The following ZNF585B variants were observed in gnomAD, a reference collection of about 807,000 sequenced individuals.
ZNF585B encodes the protein zinc finger protein 41-like protein.
ZNF585B carries 7 observed loss-of-function variants against 14.0 expected under a neutral mutation model. The ratio of observed to expected loss-of-function variants is 0.50; its 90% CI spans 0.28 to 0.94. The LOEUF is 0.94. Among genes scored for constraint, ZNF585B ranks in the 40% least tolerant of loss-of-function variants. The pLI is 0.09. For missense variants in ZNF585B, 750 were observed against 924.4 expected (o/e 0.81, Z 2.45); for synonymous variants, 290 against 317.3 (o/e 0.91, Z 0.91).
intron 1 of ZNF585B, among the ~76,000 whole-genome samples, chr19:37,207,834 TCAGA>T (rs141661324): frequency 0.02 from 3,105 of 152,206 alleles, 57 homozygotes; most frequent in Middle Eastern, 0.061. Flanking sequence ...AATAAACATA[TCAGA>T]CAATGTTGAT....
At chr19:37,198,628 T>C (rs1328377593) in intron 2 of ZNF585B, among the ~76,000 whole-genome samples, 1 of 150,664 alleles carries the variant, frequency 6.6e-6, no homozygotes, top group Non-Finnish European at 1.5e-5. Context: ...CCCAGCTACT[T>C]GGGAGGCTGA....
chr19:37,202,215 C>G (rs534785579), intron 2 of ZNF585B, among the ~76,000 whole-genome samples: 13 of 152,282 alleles, frequency 8.5e-5, no homozygotes, highest in African/African-American at 2.6e-4. Context: ...GTTAGCCAGG[C>G]TGGTCTCAAA....
intron 1 of ZNF585B, among the ~76,000 whole-genome samples, chr19:37,207,924 A>C (rs1972603284): frequency 6.6e-6 from 1 of 152,158 alleles, no homozygotes; most frequent in South Asian, 2.1e-4. Flanking sequence ...CAATTGGTGC[A>C]TGCAATTGGC....
chr19:37,188,293 C>T lies in ZNF585B; in HGVS notation c.293-1049G>A, dbSNP rs58634134. On this transcript the variant is annotated intron_variant, in intron 4 of 4. Transcript: ENST00000532828. Reference sequence around the variant, plus strand: ...CCTGAGGTCGAGAGTTGGAGACCAGCCTGACCAACATGGAGAAACCCCAAC... The same window carrying T: ...CCTGAGGTCGAGAGTTGGAGACCAGTCTGACCAACATGGAGAAACCCCAAC... Among the ~76,000 whole-genome samples, 1,301 of 152,098 alleles carry T rather than the reference C, an allele frequency of 8.6e-3. 20 individuals are homozygous for T. Among genetic ancestry groups the T allele is most frequent in the African/African-American group, 0.03 (1,255 of 41,518 alleles).
At chr19:37,187,323 C>A in intron 4 of ZNF585B, 79 bp from the exon 5 acceptor site, 1 of 1,089,644 alleles carries the variant, frequency 9.2e-7, no homozygotes, top group Non-Finnish European at 1.3e-6. Flanking sequence ...TTTGAAGCAT[C>A]GTTTCTATCA....
chr19:37,205,202 ACTG>A lies in ZNF585B; in HGVS notation c.72+1835_72+1837del, dbSNP rs539730998. Among the ~76,000 whole-genome samples the A allele has an allele frequency of 1.1e-4, 17 of 152,198 alleles. No individual in the cohort carries two copies. In the South Asian group the frequency reaches 3.5e-3, roughly 32 times the overall value. ...AGGTGTGAACGACCGTGCCCAGCCA[ACTG>A]CTGCTGCTTTACCAACTGTAACTTT... On this transcript the variant is annotated intron_variant, in intron 2 of 4. Transcript: ENST00000532828.
intron 2 of ZNF585B, among the ~76,000 whole-genome samples, chr19:37,196,787 A>C: frequency 6.6e-6 from 1 of 152,222 alleles, no homozygotes; most frequent in Non-Finnish European, 1.5e-5. Context: ...AAAAATACAG[A>C]ATATAATACA....
At position 37,197,244 on chromosome 19, in the gene ZNF585B, C is replaced by T. The variant is rs111455069; in HGVS notation, c.73-7094G>A. 1.5e-4 allele frequency among the ~76,000 whole-genome samples: 22 copies of T among 151,152 alleles called. 2 individuals carry two copies. The highest frequency in any genetic ancestry group is 5.3e-4 in the African/African-American group (22 of 41,188). On this transcript the variant is annotated intron_variant, in intron 2 of 4. Coordinates refer to ENST00000532828, the MANE Select transcript of ZNF585B (RefSeq NM_152279.4). Reference sequence around the variant, plus strand: ...GAACATACAGTGTTTGGTTTTCTGTCCTTGTGATAGTTTGCTCAGAATGAT... The same window carrying T: ...GAACATACAGTGTTTGGTTTTCTGTTCTTGTGATAGTTTGCTCAGAATGAT...
chr19:37,201,269 G>A (rs1479530807), intron 2 of ZNF585B, among the ~76,000 whole-genome samples: 1 of 151,950 alleles, frequency 6.6e-6, no homozygotes, highest in African/African-American at 2.4e-5. Flanking sequence ...ATATGACAAG[G>A]ACACAATCTG....
intron 2 of ZNF585B, among the ~76,000 whole-genome samples, chr19:37,194,105 G>A (rs1276019647): frequency 6.6e-6 from 1 of 152,184 alleles, no homozygotes; most frequent in African/African-American, 2.4e-5. Context: ...GGTGGTTTCA[G>A]ATGAAATAAG....
At position 37,187,253 on chromosome 19, in the gene ZNF585B, G is replaced by A. The variant is rs1367094668; in HGVS notation, c.293-9C>T. 7.6e-6 allele frequency: 12 copies of A among 1,577,102 alleles called. No individual in the cohort carries two copies. The highest frequency in any genetic ancestry group is 2.7e-5 in the African/African-American group (2 of 73,498). On this transcript the variant is annotated splice_polypyrimidine_tract_variant and intron_variant, in intron 4 of 4. Transcript: ENST00000532828. ...GTCCCATAATTTCTCTCCTGTTGGA[G>A]TACATTCACAGTAAGTATAGAAAGA...
chr19:37,184,443 G>GA lies in ZNF585B; in HGVS notation c.*783_*784insT. The GA allele has an allele frequency of 1.7e-5, 1 of 58,860 alleles. No homozygotes were observed. The highest frequency in any genetic ancestry group is 4.9e-4 in the East Asian group (1 of 2,040). 3.6% of individuals were successfully genotyped at this position (58,860 alleles called of 1,614,324 possible). On this transcript the variant is annotated 3_prime_UTR_variant, in exon 5 of 5. Transcript: ENST00000532828. ...GAAAGAAAGAAAAAGAAAGAAAGAA[G>GA]GAAAGAAAGAAAGAAAGAAAGAAAG...
intron 2 of ZNF585B, among the ~76,000 whole-genome samples, chr19:37,198,062 T>A (rs1972488382): frequency 6.6e-6 from 1 of 152,162 alleles, no homozygotes; most frequent in Non-Finnish European, 1.5e-5. Context: ...TTGTATATGT[T>A]GAGATTTAGC....
chr19:37,188,077 C>T (rs768945925), intron 4 of ZNF585B, among the ~76,000 whole-genome samples: 55 of 152,184 alleles, frequency 3.6e-4, no homozygotes, highest in Middle Eastern at 6.8e-3. Context: ...GGGATATTAT[C>T]ACAAAAATAA....
At position 37,182,231 on chromosome 19, in the gene ZNF585B, A is replaced by C. The variant is rs1972274371; in HGVS notation, c.*2996T>G. The C allele has an allele frequency of 6.6e-6, 1 of 152,204 alleles. No individual in the cohort carries two copies. Among genetic ancestry groups the C allele is most frequent in the African/African-American group, 2.4e-5 (1 of 41,446 alleles). The allele number at this position is 152,204 out of a possible 1,614,324, so 9.4% of individuals were successfully genotyped here. ...AAATATCACGTTACAATAAATATAA[A>C]GGAGAAATTATTGAAAGTCATGTAC... On this transcript the variant is annotated 3_prime_UTR_variant, in exon 5 of 5. Transcript: ENST00000532828.
chr19:37,189,047 T>C (rs1972371281), intron 4 of ZNF585B, among the ~76,000 whole-genome samples: 1 of 152,060 alleles, frequency 6.6e-6, no homozygotes, highest in South Asian at 2.1e-4. Context: ...AAGTGACTCT[T>C]GTGCCTCACC....
intron 2 of ZNF585B, among the ~76,000 whole-genome samples, chr19:37,199,808 G>T (rs1361263186): frequency 6.6e-6 from 1 of 152,078 alleles, no homozygotes; most frequent in Non-Finnish European, 1.5e-5. Context: ...CACTTTGGGA[G>T]GCCGAGGTGG....
chr19:37,186,084 G>C lies in ZNF585B; in HGVS notation c.1453C>G (p.Gln485Glu). The C allele has an allele frequency of 6.2e-7, 1 of 1,613,996 alleles. No homozygotes were observed. The change falls in exon 5 of 5, where the codon CAG (glutamine) becomes GAG (glutamate). Residue 485 changes from glutamine to glutamate, a missense_variant. Around this residue, in one of 2 missense-constraint regions of ZNF585B, gnomAD observed 233 missense variants for 354.1 expected, o/e 0.66. Transcript: ENST00000532828. ...GATTTCTCTCCTGTATGAGTTTTCT[G>C]ATGTGTAATGAGATTTGACCGGTTG... ...FTNRSNLITH[Q>E]KTHTGEKSYI...
chr19:37,190,214 GGGATTAC>G (rs1972384878), intron 2 of ZNF585B, 64 bp from the exon 3 acceptor site: 1 of 1,591,360 alleles, frequency 6.3e-7, no homozygotes, highest in African/African-American at 1.4e-5. Context: ...GACTATATAT[GGGATTAC>G]GGAACATGGG....
Sources: gnomAD v4.1 joint callset for allele counts (sites outside exome capture counted in the v4.1 genomes callset) on GRCh38, gnomAD v4.1.1 for gene constraint, gnomAD v4.1.1 regional missense constraint, MANE v1.5 for transcripts, NCBI Gene and HGNC (gene_info 2026-07-23, HGNC 2026-07-21) for gene names.